The following ABCA7 variants were observed in gnomAD, a reference collection of about 807,000 sequenced individuals.
The protein encoded by ABCA7 is ATP binding cassette subfamily A member 7.
In ABCA7, 261 loss-of-function variants were observed where a neutral mutation model predicts 227.6. The ratio of observed to expected loss-of-function variants is 1.15; its 90% CI spans 1.04 to 1.27. ABCA7 has a LOEUF of 1.27. ABCA7 is among the 50% of genes most tolerant of loss of function. ABCA7 has a pLI of 0.00. For synonymous variants in ABCA7, 1,488 were observed against 1,279.7 expected, an observed-to-expected ratio of 1.16 and a Z score of -3.47; for missense variants, 3,331 against 2,924.5, an observed-to-expected ratio of 1.14 and a Z score of -3.21.
rs775690854 is a variant in ABCA7, at chr19:1,054,309, GCCCGCCGCA to G, written c.3695_3703del (p.Ala1232_Ser1235delinsGly). The G allele has an allele frequency of 1.0e-5, 16 of 1,601,564 alleles. No homozygotes were observed. The highest frequency in any genetic ancestry group is 2.7e-5 in the African/African-American group (2 of 74,850). ...CCTGCTTCTCAAGCGCTTTCTGCTT[GCCCGCCGCA>G]GCCGCCGCGGCCTGTTCGCCCAGGT... On this transcript the variant is annotated inframe_deletion, in exon 27 of 47. Transcript: ENST00000263094. The surrounding 1 kb of genome is among the most constrained non-coding windows in gnomAD (Gnocchi z 4.8).
In ABCA7 at chr19:1,042,193, G is replaced by T. The variant is rs753651975; in HGVS notation, c.415+17G>T. ...GCAGCACGGGTGAGGAGGCCGGGGG[G>T]CCTCTGGCAGGGCTGAGCTCTGAGC... On this transcript the variant is annotated intron_variant, in intron 5 of 46. Coordinates refer to ENST00000263094, the MANE Select transcript of ABCA7 (RefSeq NM_019112.4). The T allele has an allele frequency of 3.7e-6, 6 of 1,600,738 alleles. No individual in the cohort carries two copies. The Admixed American group carries it at 5.0e-5, about 13-fold the overall frequency.
intron 45 of ABCA7, chr19:1,064,540 G>T: frequency 2.0e-6 from 1 of 506,642 alleles, no homozygotes. Context: ...GTGGATTGAT[G>T]GGTGGAGTTA....
chr19:1,062,699 C>T (rs561409194), intron 42 of ABCA7, among the ~76,000 whole-genome samples: 10 of 152,060 alleles, frequency 6.6e-5, no homozygotes, highest in African/African-American at 2.4e-4. Context: ...TCCCAGTTTG[C>T]AGCCGTTTCA....
chr19:1,063,842 C>A lies in ABCA7; in HGVS notation c.5930C>A (p.Ser1977Ter). The A allele has an allele frequency of 6.5e-7, 1 of 1,539,248 alleles. No individual in the cohort carries two copies. Among genetic ancestry groups the A allele is most frequent in the Non-Finnish European group, 8.7e-7 (1 of 1,143,348 alleles). ...TTGGCCGTGGTGCGGGAGGGCCGTT[C>A]AGTGATGCTCACCTCCCATAGGTGG... ...SLLAVVREGR[S>*]VMLTSHSMEE... The change falls in exon 44 of 47, where the codon TCA (serine) becomes TAA (stop). Residue 1977 changes from serine (S) to a stop codon, truncating the protein, a stop_gained. Coordinates refer to ENST00000263094, the MANE Select transcript of ABCA7 (RefSeq NM_019112.4). LOFTEE classifies it high-confidence loss of function.
At position 1,042,312 on chromosome 19, in the gene ABCA7, C is replaced by T. The variant is rs368509118; in HGVS notation, c.416-3C>T. Reference sequence around the variant, plus strand: ...CCCATGCTCCCGTGCGCTCCTCCCCCAGCCCAGCCTCAACCAACCAAGCAG... The same window carrying T: ...CCCATGCTCCCGTGCGCTCCTCCCCTAGCCCAGCCTCAACCAACCAAGCAG... On this transcript the variant is annotated splice_polypyrimidine_tract_variant and splice_region_variant and intron_variant, in intron 5 of 46. Transcript: ENST00000263094. The T allele has an allele frequency of 2.0e-5, 32 of 1,575,346 alleles. No homozygotes were observed. The highest frequency in any genetic ancestry group is 3.4e-5 in the Admixed American group (2 of 58,590).
At position 1,047,564 on chromosome 19, in the gene ABCA7, G is replaced by A. The variant is rs1426807470; in HGVS notation, c.2179G>A (p.Val727Ile). Residue 727 changes from valine (V) to isoleucine (I), a missense_variant, in exon 16 of 47, where the codon GTC (valine) becomes ATC (isoleucine). Transcript: ENST00000263094. Reference protein sequence around the residue: ...HNVGTRPTADVFSLAQVSGLL... With the variant: ...HNVGTRPTADIFSLAQVSGLL... ...CGTGGGCACCCGGCCTACGGCAGAC[G>A]TCTTCAGCCTGGCCCAGGTCTCTGG... 4 of 1,602,514 alleles carry A rather than the reference G, an allele frequency of 2.5e-6. No individual in the cohort carries two copies. Among genetic ancestry groups the A allele is most frequent in the Non-Finnish European group, 3.4e-6 (4 of 1,178,978 alleles).
chr19:1,047,534 CACA>C lies in ABCA7; in HGVS notation c.2152_2154del (p.Asn718del). 4 of 1,597,960 alleles carry C rather than the reference CACA, an allele frequency of 2.5e-6. No individual in the cohort carries two copies. Among genetic ancestry groups the C allele is most frequent in the Non-Finnish European group, 3.4e-6 (4 of 1,177,412 alleles). On this transcript the variant is annotated inframe_deletion, in exon 16 of 47. Coordinates refer to ENST00000263094, the MANE Select transcript of ABCA7 (RefSeq NM_019112.4). ...GGAGCAGGGCGAGGGCGCGCAGTGG[CACA>C]ACGTGGGCACCCGGCCTACGGCAGA...
At position 1,065,105 on chromosome 19, in the gene ABCA7, G is replaced by C. The variant is rs750945130; in HGVS notation, c.6219G>C (p.Glu2073Asp). 6.3e-7 allele frequency: 1 copy of C among 1,585,190 alleles called. No homozygotes were observed. The highest frequency in any genetic ancestry group is 2.3e-5 in the East Asian group (1 of 43,240). ...GRCALARVFG[E>D]LAVHGAEHGV... is the part of the protein sequence containing the mutation. ...GCGCCCTGGCGCGCGTCTTTGGAGA[G>C]CTGGCGGTGCACGGCGCAGAGCACG... The change falls in exon 46 of 47, where the codon GAG becomes GAC. Residue 2073 changes from glutamate (E) to aspartate (D), a missense_variant. Coordinates refer to ENST00000263094, the MANE Select transcript of ABCA7 (RefSeq NM_019112.4).
intron 35 of ABCA7, 130 bp downstream of exon 35, chr19:1,057,559 T>A: frequency 1.1e-6 from 1 of 949,888 alleles, no homozygotes; most frequent in Admixed American, 2.1e-5. Flanking sequence ...ATGCCGTGTG[T>A]GATCCAATTC....
chr19:1,048,967 A>T lies in ABCA7; in HGVS notation c.2342A>T (p.Lys781Met). The change falls in exon 17 of 47, where the codon AAG becomes ATG. Residue 781 changes from lysine to methionine, a missense_variant. Transcript: ENST00000263094. ...TACTGGTGCGGACCTCGGCCCCCCA[A>T]GAGTCCAGCCCCTTGCCCCACCCCG... ...RSYWCGPRPP[K>M]SPAPCPTPLD... 1 of 1,608,194 alleles carries T rather than the reference A, an allele frequency of 6.2e-7. No individual in the cohort carries two copies. Among genetic ancestry groups the T allele is most frequent in the East Asian group, 2.2e-5 (1 of 44,774 alleles).
At position 1,058,510 on chromosome 19, in the gene ABCA7, C is replaced by T; in HGVS notation, c.5150-108C>T. On this transcript the variant is annotated intron_variant, in intron 37 of 46. Coordinates refer to ENST00000263094, the MANE Select transcript of ABCA7 (RefSeq NM_019112.4). ...GCCAATTAGACTCCAGCTGAGTGGC[C>T]TATCCAATTTGTGTTCCTTTCCCTT... 2.0e-6 allele frequency: 3 copies of T among 1,533,286 alleles called. No homozygotes were observed. In the South Asian group the frequency reaches 3.6e-5, roughly 19 times the overall value. 95.0% of individuals were successfully genotyped at this position (1,533,286 alleles called of 1,614,324 possible). A position where few individuals can be genotyped will look rare whatever the true frequency, so the allele number is the denominator to read the frequency against.
In ABCA7 at chr19:1,041,952, G is replaced by A; in HGVS notation, c.282G>A (p.Leu94=). The A allele has an allele frequency of 1.3e-6, 2 of 1,588,392 alleles. No individual in the cohort carries two copies. Among genetic ancestry groups the A allele is most frequent in the Non-Finnish European group, 1.7e-6 (2 of 1,173,024 alleles). The part of the protein sequence containing the change: ...QLTPGEEPGR[L]SNFNDSLVSR... Reference sequence around the variant, plus strand: ...CACCGGGCGAGGAGCCCGGGCGCCTGAGCAACTTCAACGACTCCCTGTGAG... The same window carrying A: ...CACCGGGCGAGGAGCCCGGGCGCCTAAGCAACTTCAACGACTCCCTGTGAG... The change falls in exon 4 of 47, where the codon CTG becomes CTA. Residue 94 remains leucine, a synonymous_variant. Transcript: ENST00000263094.
rs112718144 is a variant in ABCA7 at position 1,065,130 on chromosome 19, G to A, written c.6244G>A (p.Gly2082Ser). 3.1e-6 allele frequency: 5 copies of A among 1,590,706 alleles called. No homozygotes were observed. Among genetic ancestry groups the A allele is most frequent in the Admixed American group, 3.5e-5 (2 of 57,814 alleles). ...GELAVHGAEH[G>S]VEDFSVSQTM... ...GCTGGCGGTGCACGGCGCAGAGCAC[G>A]GCGTGGAGGACTTTTCCGTGAGCCA... Residue 2082 changes from glycine to serine, a missense_variant, in exon 46 of 47, where the codon GGC becomes AGC. By Grantham distance (56) the Gly-to-Ser change is moderately conservative (BLOSUM62 0). Transcript: ENST00000263094.
intron 24 of ABCA7, 27 bp downstream of exon 24, chr19:1,053,558 G>A (rs779440302): frequency 2.6e-6 from 4 of 1,549,234 alleles, no homozygotes; most frequent in African/African-American, 1.4e-5. Flanking sequence ...GTGGTGAGGT[G>A]GGGCCAGGAG....
rs1485266977 is a variant in ABCA7 at position 1,051,488 on chromosome 19, T to C, written c.2864T>C (p.Val955Ala). The C allele has an allele frequency of 6.2e-7, 1 of 1,612,530 alleles. No individual in the cohort carries two copies. The highest frequency in any genetic ancestry group is 8.5e-7 in the Non-Finnish European group (1 of 1,179,928). ...QRKLSVAIAFVGGSQVVILDE... is the reference protein window; with the variant it reads ...QRKLSVAIAFAGGSQVVILDE... ...AAGCTGTCCGTGGCCATTGCCTTTG[T>C]GGGCGGCTCCCAAGTTGTTATCCTG... Residue 955 changes from valine to alanine, a missense_variant, in exon 21 of 47, where the codon GTG becomes GCG. By Grantham distance (64) the Val-to-Ala change is moderately conservative. Transcript: ENST00000263094.
Position 1,065,538 on chromosome 19 carries a change from A to G in ABCA7, c.*113A>G. On this transcript the variant is annotated 3_prime_UTR_variant, in exon 47 of 47. Transcript: ENST00000263094. ...GAGGGGCTGGTGCCCTGGAGAAAAT[A>G]AAGAGAAGGCTGGAGAGAAGCCGTG... 7.7e-7 allele frequency: 1 copy of G among 1,293,614 alleles called. No homozygotes were observed. The highest frequency in any genetic ancestry group is 1.1e-6 in the Non-Finnish European group (1 of 943,294). 80.1% of individuals were successfully genotyped at this position (1,293,614 alleles called of 1,614,324 possible). A position where few individuals can be genotyped will look rare whatever the true frequency, so the allele number is the denominator to read the frequency against.
In ABCA7 at chr19:1,046,296, G is replaced by A. The variant is rs767294749; in HGVS notation, c.1512G>A (p.Val504=). The change falls in exon 13 of 47, where the codon GTG becomes GTA. Residue 504 remains valine (V), a synonymous_variant. Transcript: ENST00000263094. Reference sequence around the variant, plus strand: ...TGCGCTACGTGTGGGGCGGCTTCGTGTACCTGCAAGACCTGGTGGAGCGTG... The same window carrying A: ...TGCGCTACGTGTGGGGCGGCTTCGTATACCTGCAAGACCTGGTGGAGCGTG... ...TDLRYVWGGF[V]YLQDLVERAA... The A allele has an allele frequency of 3.1e-6, 5 of 1,605,852 alleles. No homozygotes were observed. The South Asian group carries it at 5.5e-5, about 18-fold the overall frequency.
chr19:1,042,716 C>A, intron 6 of ABCA7, 30 bp from the exon 7 acceptor site: 1 of 1,608,604 alleles, frequency 6.2e-7, no homozygotes, highest in Non-Finnish European at 8.5e-7. Context: ...TGTTCAAAAT[C>A]ATTGTCCCCC....
In ABCA7 at chr19:1,047,623, C is replaced by G. The variant is rs764116045; in HGVS notation, c.2238C>G (p.Leu746=). 1 of 1,599,742 alleles carries G rather than the reference C, an allele frequency of 6.3e-7. No homozygotes were observed. The highest frequency in any genetic ancestry group is 8.5e-7 in the Non-Finnish European group (1 of 1,177,770). The part of the protein sequence containing the change: ...LLLLDAALYG[L]ATWYLEAVCP... ...TGCTGGACGCGGCGCTCTACGGCCT[C>G]GCCACCTGGTACCTGGAAGCTGTGT... The change falls in exon 16 of 47, where the codon CTC becomes CTG. Residue 746 remains leucine, a synonymous_variant. Coordinates refer to ENST00000263094, the MANE Select transcript of ABCA7 (RefSeq NM_019112.4).
Sources: gnomAD v4.1 joint callset for allele counts (sites outside exome capture counted in the v4.1 genomes callset) on GRCh38, gnomAD v4.1.1 for gene constraint, Gnocchi (gnomAD v3.1) non-coding constraint, MANE v1.5 for transcripts, NCBI Gene and HGNC (gene_info 2026-07-23, HGNC 2026-07-21) for gene names.